The following CCHCR1 variants were observed in gnomAD, a reference collection of about 807,000 sequenced individuals.
CCHCR1 encodes the protein HCR (a-helix coiled-coil rod homologue).
CCHCR1 carries 91 observed loss-of-function variants against 114.6 expected under a neutral mutation model. That is an observed-to-expected ratio of 0.79 (90% CI 0.67 to 0.94). The LOEUF (loss-of-function observed/expected upper bound fraction) is 0.94, where lower values mean the gene tolerates loss of function less well. CCHCR1 is among the 40% of genes least tolerant of loss of function. CCHCR1 has a pLI of 0.00. For missense variants in CCHCR1, 899 were observed against 1,079.9 expected (o/e 0.83, Z 2.35); for synonymous variants, 379 against 428.5 (o/e 0.88, Z 1.43).
rs1280459870 is a variant in CCHCR1, at chr6:31,151,307, C to T, written c.802-185G>A. Among the ~76,000 whole-genome samples the T allele has an allele frequency of 2.0e-5, 3 of 152,174 alleles. No homozygotes were observed. The highest frequency in any genetic ancestry group is 7.2e-5 in the African/African-American group (3 of 41,446). ...CCACAACCCATCAGGAGTTCTTGTC[C>T]GATCTCCCCCAAAACATATCTTCAC... On this transcript the variant is annotated intron_variant, in intron 4 of 17. Transcript: ENST00000396268. The surrounding 1 kb of genome is among the most constrained non-coding windows in gnomAD (Gnocchi z 4.1).
chr6:31,143,005 C>G lies in CCHCR1; in HGVS notation c.2449G>C (p.Ala817Pro), dbSNP rs1447476904. ...SPRPPECSAS[A>P]PVAAAVPTRE... ...GTGGGCACTGCTGCTGCTACAGGTG[C>G]AGATGCTGAACACTCTGGAGGCCTG... Residue 817 changes from alanine (A) to proline (P), a missense_variant, in exon 17 of 18, where the codon GCA (alanine) becomes CCA (proline). Coordinates refer to ENST00000396268, the MANE Select transcript of CCHCR1 (RefSeq NM_001105564.2). The surrounding 1 kb of genome is among the most constrained non-coding windows in gnomAD (Gnocchi z 5.3). The G allele has an allele frequency of 6.2e-7, 1 of 1,612,878 alleles. No homozygotes were observed.
chr6:31,142,862 C>T (rs1467822267), intron 17 of CCHCR1, 101 bp downstream of exon 17: 5 of 1,493,194 alleles, frequency 3.3e-6, no homozygotes, highest in South Asian at 1.3e-5. Flanking sequence ...CTAAGGGCCT[C>T]GAAGGACCGC....
rs130078 is a variant in CCHCR1 at position 31,150,788 on chromosome 6, C to G, written c.1038G>C (p.Val346=). 0.74 allele frequency: 1,198,854 copies of G among 1,612,464 alleles called. 446,820 individuals are homozygous for G. Among genetic ancestry groups the G allele is most frequent in the Middle Eastern group, 0.81 (4,925 of 6,062 alleles). ...ATGTCTGGCTGTGGACCTCAGAAGG[C>G]ACTTGTTCCCCAACATATTTTCTTA... ...ENLRKYVGEQ[V]PSEVHSQTWE... Residue 346 remains valine (V), a synonymous_variant, in exon 6 of 18, where the codon GTG becomes GTC. Transcript: ENST00000396268. The surrounding 1 kb of genome is among the most constrained non-coding windows in gnomAD (Gnocchi z 5.3).
chr6:31,147,049 C>T (rs549112835), intron 10 of CCHCR1, among the ~76,000 whole-genome samples: 3 of 152,266 alleles, frequency 2.0e-5, no homozygotes, highest in African/African-American at 7.2e-5. Context: ...TCTAAATTAA[C>T]CCATCAAGAA....
At chr6:31,142,855 A>G in intron 17 of CCHCR1, 108 bp downstream of exon 17, 1 of 1,478,648 alleles carries the variant, frequency 6.8e-7, no homozygotes, top group Non-Finnish European at 9.2e-7. Flanking sequence ...AAAGAGGCTA[A>G]GGGCCTCGAA....
Position 31,156,715 on chromosome 6 carries a change from G to A in CCHCR1, c.497+16C>T, listed in dbSNP as rs369977976. 92 of 1,600,554 alleles carry A rather than the reference G, an allele frequency of 5.7e-5. No individual in the cohort carries two copies. The African/African-American group carries it at 6.3e-4, about 11-fold the overall frequency. ...TAGCAAGCAAGCCTGAGAAAACGGC[G>A]TGGATGGATCCCTACCTGCCTCTCC... On this transcript the variant is annotated intron_variant, in intron 3 of 17. Coordinates refer to ENST00000396268, the MANE Select transcript of CCHCR1 (RefSeq NM_001105564.2).
At chr6:31,148,222 C>T (rs1774628074) in intron 10 of CCHCR1, among the ~76,000 whole-genome samples, 183 bp downstream of exon 10, 1 of 152,160 alleles carries the variant, frequency 6.6e-6, no homozygotes, top group Non-Finnish European at 1.5e-5. Context: ...GGTATGAATG[C>T]AGAAGGGGCT....
rs373003491 is a variant in CCHCR1, at chr6:31,145,174, C to T, written c.1868G>A (p.Arg623Gln). 5.6e-6 allele frequency: 9 copies of T among 1,612,496 alleles called. No homozygotes were observed. The highest frequency in any genetic ancestry group is 1.3e-5 in the African/African-American group (1 of 74,924). The change falls in exon 13 of 18, where the codon CGG (arginine) becomes CAG (glutamine). Residue 623 changes from arginine (R) to glutamine (Q), a missense_variant. By Grantham distance (43) the Arg-to-Gln change is conservative (BLOSUM62 1). Transcript: ENST00000396268. ...RLIQQEVGRAREQGEAERQQL... is the reference protein window; with the variant it reads ...RLIQQEVGRAQEQGEAERQQL... ...CTGGCAACCAGGTGTACCTTGCTCCCGAGCCCGGCCCACCTCCTGCTGGAT... is the reference window on the plus strand; with the variant it reads ...CTGGCAACCAGGTGTACCTTGCTCCTGAGCCCGGCCCACCTCCTGCTGGAT...
chr6:31,144,730 T>C lies in CCHCR1; in HGVS notation c.2124A>G (p.Thr708=), dbSNP rs1188051341. ...TCCGAGCCTCGTTCAGCCTCCTCTC[T>C]GTGTCTGAGAGTTGCTCCCGCAGCC... ...ETRLREQLSD[T]ERRLNEARRE... Residue 708 remains threonine, a synonymous_variant, in exon 15 of 18, where the codon ACA becomes ACG. Coordinates refer to ENST00000396268, the MANE Select transcript of CCHCR1 (RefSeq NM_001105564.2). This position sits in a 1 kb window ranked among gnomAD's most constrained non-coding sequence, Gnocchi z 4.6. 6.2e-7 allele frequency: 1 copy of C among 1,613,664 alleles called. No homozygotes were observed. The highest frequency in any genetic ancestry group is 8.5e-7 in the Non-Finnish European group (1 of 1,179,716).
chr6:31,150,121 T>C lies in CCHCR1; in HGVS notation c.1307A>G (p.Gln436Arg). ...GTGTTCCAGCTCCTGGGCCTTTAGC[T>C]GCACCATGAGGGCAAACACCTTCTC... ...WREKVFALMVQLKAQELEHSD... is the reference protein window; with the variant it reads ...WREKVFALMVRLKAQELEHSD... The change falls in exon 8 of 18, where the codon CAG (glutamine) becomes CGG (arginine). Residue 436 changes from glutamine (Q) to arginine (R), a missense_variant. Physicochemically the swap from Gln to Arg is conservative, Grantham distance 43 (BLOSUM62 1). Coordinates refer to ENST00000396268, the MANE Select transcript of CCHCR1 (RefSeq NM_001105564.2). The surrounding 1 kb of genome is among the most constrained non-coding windows in gnomAD (Gnocchi z 5.3). The C allele has an allele frequency of 6.2e-7, 1 of 1,614,188 alleles. No homozygotes were observed.
chr6:31,147,399 C>CAAAAA lies in CCHCR1; in HGVS notation c.1580+1001_1580+1005dup, dbSNP rs9278998. Among the ~76,000 whole-genome samples the CAAAAA allele has an allele frequency of 9.9e-3, 1,254 of 126,726 alleles. 17 individuals carry two copies. The highest frequency in any genetic ancestry group is 0.038 in the East Asian group (153 of 4,018). The allele number at this position is 126,726 out of a possible 152,430, so 83.1% of individuals were successfully genotyped here. ...TGGGTGACAGTGCGAGACTCTGTCT[C>CAAAAA]AAAAAAAAAAAAAAAAAAAAAAAGA... On this transcript the variant is annotated intron_variant, in intron 10 of 17. Transcript: ENST00000396268.
rs540712895 is a variant in CCHCR1 at position 31,154,495 on chromosome 6, C to G, written c.801+1G>C. 2.5e-6 allele frequency: 4 copies of G among 1,606,406 alleles called. No individual in the cohort carries two copies. The highest frequency in any genetic ancestry group is 1.7e-4 in the Middle Eastern group (1 of 6,038). On this transcript the variant is annotated splice_donor_variant, in intron 4 of 17. Transcript: ENST00000396268. LOFTEE classifies it high-confidence loss of function. The surrounding 1 kb of genome is among the most constrained non-coding windows in gnomAD (Gnocchi z 4.1). ...TGAATCCTTTCTACCCCTGCATTCA[C>G]CTGCTCTTGGTGCAGCCTCTGAACC...
In CCHCR1 at chr6:31,150,396, C is replaced by G. The variant is rs1306398260; in HGVS notation, c.1212+59G>C. 2.0e-6 allele frequency: 3 copies of G among 1,463,760 alleles called. No homozygotes were observed. The highest frequency in any genetic ancestry group is 1.4e-5 in the African/African-American group (1 of 72,252). 90.7% of individuals were successfully genotyped at this position (1,463,760 alleles called of 1,614,324 possible). A position where few individuals can be genotyped will look rare whatever the true frequency, so the allele number is the denominator to read the frequency against. The stretch of plus-strand genomic sequence containing the variant: ...CCCCTCCTGCCCACAGGGAGGGAGG[C>G]AGGGGACAGTAGATGCAGGATGCGG... On this transcript the variant is annotated intron_variant, in intron 7 of 17. Transcript: ENST00000396268. This position sits in a 1 kb window ranked among gnomAD's most constrained non-coding sequence, Gnocchi z 5.3.
At chr6:31,145,131 C>T in intron 13 of CCHCR1, 35 bp downstream of exon 13, 1 of 1,608,280 alleles carries the variant, frequency 6.2e-7, no homozygotes, top group Non-Finnish European at 8.5e-7. Context: ...CCGGGTTTTT[C>T]CTCATCCTCT....
In CCHCR1 at chr6:31,154,541, C is replaced by T. The variant is rs1457647744; in HGVS notation, c.756G>A (p.Gly252=). ...AEVVRKNLEE[G]SQRELEEVQR... is the part of the protein sequence containing the mutation. ...GAACCTCTTCCAGCTCCCGCTGGCT[C>T]CCCTCTTCCAAGTTCTTCCGGACAA... Residue 252 remains glycine, a synonymous_variant, in exon 4 of 18, where the codon GGG becomes GGA. Transcript: ENST00000396268. The surrounding 1 kb of genome is among the most constrained non-coding windows in gnomAD (Gnocchi z 4.1). 6.2e-7 allele frequency: 1 copy of T among 1,612,794 alleles called. No individual in the cohort carries two copies. Among genetic ancestry groups the T allele is most frequent in the African/African-American group, 1.3e-5 (1 of 74,932 alleles).
At chr6:31,155,475 G>C (rs1263833594) in intron 3 of CCHCR1, among the ~76,000 whole-genome samples, 1 of 151,958 alleles carries the variant, frequency 6.6e-6, no homozygotes, top group Non-Finnish European at 1.5e-5. Flanking sequence ...ATGGTGGCAG[G>C]TGCCTGTAGT....
At chr6:31,148,020 G>A (rs1387261559) in intron 10 of CCHCR1, among the ~76,000 whole-genome samples, 1 of 151,992 alleles carries the variant, frequency 6.6e-6, no homozygotes, top group East Asian at 1.9e-4. Flanking sequence ...CCAGTGAAAC[G>A]GATTGCCCGT....
chr6:31,145,867 T>C (rs1581911091), intron 10 of CCHCR1, 59 bp from the exon 11 acceptor site: 1 of 1,052,424 alleles, frequency 9.5e-7, no homozygotes, highest in East Asian at 2.4e-5. Flanking sequence ...AAGGACTTGC[T>C]GTGCCTTGTA....
At position 31,157,586 on chromosome 6, in the gene CCHCR1, T is replaced by A; in HGVS notation, c.15A>T (p.Ser5=). 1 of 1,611,374 alleles carries A rather than the reference T, an allele frequency of 6.2e-7. No homozygotes were observed. Among genetic ancestry groups the A allele is most frequent in the Non-Finnish European group, 8.5e-7 (1 of 1,179,450 alleles). MWPH[S]AGARPWASTL... ...TGCTGGCCCAAGGCCTGGCCCCAGC[T>A]GAATGTGGCCACATGCAGGGCTAGA... The change falls in exon 1 of 18, where the codon TCA becomes TCT. Residue 5 remains serine (S), a synonymous_variant. Coordinates refer to ENST00000396268, the MANE Select transcript of CCHCR1 (RefSeq NM_001105564.2).
Sources: allele counts gnomAD v4.1 joint callset (sites outside exome capture counted in the v4.1 genomes callset), GRCh38; gene constraint gnomAD v4.1.1; non-coding constraint Gnocchi (gnomAD v3.1); transcripts MANE v1.5; gene names NCBI Gene and HGNC (gene_info 2026-07-23, HGNC 2026-07-21).